PPP1R14C: variants seen among roughly 807,000 people sequenced by gnomAD.
PPP1R14C encodes protein phosphatase 1 regulatory subunit 14C.
A neutral mutation model predicts 20.4 loss-of-function variants in PPP1R14C; 16 were observed. The observed-to-expected ratio is 0.78, with a 90% CI of 0.53 to 1.19. The LOEUF is 1.19. Ranked by LOEUF, PPP1R14C falls within the 50% of genes most tolerant of loss-of-function variation. The pLI is 0.00. For synonymous variants in PPP1R14C, 91 were observed against 91.0 expected, an observed-to-expected ratio of 1.00 and a Z score of 0.00; for missense variants, 211 against 220.1, an observed-to-expected ratio of 0.96 and a Z score of 0.26.
intron 3 of PPP1R14C, among the ~76,000 whole-genome samples, chr6:150,230,342 T>A (rs1778279484): frequency 6.6e-6 from 1 of 152,166 alleles, no homozygotes; most frequent in Non-Finnish European, 1.5e-5. Context: ...GTTGACTCAA[T>A]TTGCTGTAAG....
chr6:150,160,559 C>T (rs1258799440), intron 1 of PPP1R14C, among the ~76,000 whole-genome samples: 1 of 151,950 alleles, frequency 6.6e-6, no homozygotes, highest in Non-Finnish European at 1.5e-5. Context: ...AGACGTGAGC[C>T]ACCGCGCCCA....
At position 150,177,388 on chromosome 6, in the gene PPP1R14C, A is replaced by G. The variant is rs557033931; in HGVS notation, c.306+33890A>G. On this transcript the variant is annotated intron_variant, in intron 1 of 3. Transcript: ENST00000361131. Reference sequence around the variant, plus strand: ...CCAGATTTATATTGGGAAGGAAACTATCTTGGTAGATAAGAAGTGAAAATT... The same window carrying G: ...CCAGATTTATATTGGGAAGGAAACTGTCTTGGTAGATAAGAAGTGAAAATT... Among the ~76,000 whole-genome samples, 38 of 152,338 alleles carry G rather than the reference A, an allele frequency of 2.5e-4. 1 individual carries two copies. The South Asian group carries it at 5.8e-3, about 23-fold the overall frequency.
chr6:150,186,439 G>A (rs1324433396), intron 1 of PPP1R14C, among the ~76,000 whole-genome samples: 1 of 152,156 alleles, frequency 6.6e-6, no homozygotes, highest in African/African-American at 2.4e-5. Context: ...GCCCTGCTGT[G>A]TGTTTGGACT....
At chr6:150,207,569 G>C (rs1051713880) in intron 1 of PPP1R14C, among the ~76,000 whole-genome samples, 18 of 152,314 alleles carry the variant, frequency 1.2e-4, no homozygotes, top group Admixed American at 1.2e-3. Flanking sequence ...CAACTGTAGA[G>C]GATATAAGAA....
intron 2 of PPP1R14C, among the ~76,000 whole-genome samples, chr6:150,215,241 A>G (rs1778075151): frequency 6.6e-6 from 1 of 152,214 alleles, no homozygotes; most frequent in Admixed American, 6.5e-5. Context: ...TCATGAAATT[A>G]ATTTCTAAAT....
intron 1 of PPP1R14C, among the ~76,000 whole-genome samples, chr6:150,213,881 C>T (rs980762725): frequency 6.6e-6 from 1 of 152,230 alleles, no homozygotes; most frequent in Non-Finnish European, 1.5e-5. Flanking sequence ...GGTTGATTCA[C>T]TCACTGATAG....
chr6:150,218,597 A>G (rs778086348), intron 3 of PPP1R14C, among the ~76,000 whole-genome samples: 3 of 151,310 alleles, frequency 2.0e-5, no homozygotes, highest in Non-Finnish European at 4.4e-5. Context: ...TATTTTCATA[A>G]GCAACACTTT....
intron 1 of PPP1R14C, 78 bp from the exon 2 acceptor site, chr6:150,214,666 C>G (rs1778068062): frequency 9.7e-7 from 1 of 1,034,866 alleles, no homozygotes; most frequent in Non-Finnish European, 1.5e-6. Flanking sequence ...GTTGTTTGTT[C>G]AACTTAACCT....
chr6:150,241,698 C>T (rs1778432647), intron 3 of PPP1R14C, among the ~76,000 whole-genome samples: 1 of 152,140 alleles, frequency 6.6e-6, no homozygotes, highest in Non-Finnish European at 1.5e-5. Flanking sequence ...ACCAGCCTAG[C>T]CAACATGGCG....
chr6:150,245,509 A>G (rs1330942095), intron 3 of PPP1R14C, among the ~76,000 whole-genome samples: 1 of 152,008 alleles, frequency 6.6e-6, no homozygotes, highest in Admixed American at 6.6e-5. Flanking sequence ...TTCCTTGCTT[A>G]TTTATCTTCA....
At chr6:150,200,394 C>T (rs936365853) in intron 1 of PPP1R14C, among the ~76,000 whole-genome samples, 1 of 152,140 alleles carries the variant, frequency 6.6e-6, no homozygotes, top group African/African-American at 2.4e-5. Flanking sequence ...GGACAGCTCC[C>T]TTTTCTCCCT....
Position 150,248,927 on chromosome 6 carries a change from G to GTTTT in PPP1R14C, c.*117_*120dup. 1 of 445,700 alleles carries GTTTT rather than the reference G, an allele frequency of 2.2e-6. No homozygotes were observed. The highest frequency in any genetic ancestry group is 3.8e-6 in the Non-Finnish European group (1 of 265,772). The allele number at this position is 445,700 out of a possible 1,614,324, so 27.6% of individuals were successfully genotyped here. On this transcript the variant is annotated 3_prime_UTR_variant, in exon 4 of 4. Transcript: ENST00000361131. ...AGGTGTCCTTATGAACAACGTTTTTGTTTTTTTTTTTTTCTTTTTTGGTGT... is the reference window on the plus strand; with the variant it reads ...AGGTGTCCTTATGAACAACGTTTTTGTTTTTTTTTTTTTTTTTCTTTTTTGGTGT...
intron 1 of PPP1R14C, among the ~76,000 whole-genome samples, chr6:150,166,918 G>A (rs1394899554): frequency 2.0e-5 from 3 of 152,148 alleles, no homozygotes; most frequent in Non-Finnish European, 4.4e-5. Context: ...ATTTGGAACC[G>A]AGTGAAGGAA....
chr6:150,228,639 C>A (rs1460910591), intron 3 of PPP1R14C, among the ~76,000 whole-genome samples: 1 of 152,098 alleles, frequency 6.6e-6, no homozygotes, highest in Admixed American at 6.5e-5. Flanking sequence ...TGACTCAAAG[C>A]GTCTACTCTA....
rs970635214 is a variant in PPP1R14C, at chr6:150,240,328, T to G, written c.424-8418T>G. The stretch of plus-strand genomic sequence containing the variant: ...GAGAATGTCCAGGTTCTTCGCGTTT[T>G]GAACAAAGAATTGGACAAAACACAC... On this transcript the variant is annotated intron_variant, in intron 3 of 3. Coordinates refer to ENST00000361131, the MANE Select transcript of PPP1R14C (RefSeq NM_030949.3). Among the ~76,000 whole-genome samples, 74 of 152,194 alleles carry G rather than the reference T, an allele frequency of 4.9e-4. 2 individuals carry two copies. The highest frequency in any genetic ancestry group is 1.6e-4 in the Non-Finnish European group (11 of 68,034).
At chr6:150,241,442 A>C (rs1778429940) in intron 3 of PPP1R14C, among the ~76,000 whole-genome samples, 1 of 152,190 alleles carries the variant, frequency 6.6e-6, no homozygotes, top group Non-Finnish European at 1.5e-5. Flanking sequence ...ACCCTCAGAG[A>C]GGGTCATGAG....
intron 1 of PPP1R14C, among the ~76,000 whole-genome samples, chr6:150,159,365 C>T (rs1268891738): frequency 6.6e-6 from 1 of 152,182 alleles, no homozygotes; most frequent in Non-Finnish European, 1.5e-5. Context: ...CTTCTGTGCC[C>T]CTCTTAGCCA....
In PPP1R14C at chr6:150,143,575, C is replaced by T; in HGVS notation, c.306+77C>T. 1.8e-6 allele frequency: 2 copies of T among 1,089,998 alleles called. No homozygotes were observed. Among genetic ancestry groups the T allele is most frequent in the Non-Finnish European group, 2.6e-6 (2 of 765,906 alleles). 67.5% of individuals were successfully genotyped at this position (1,089,998 alleles called of 1,614,324 possible). ...CCCGCGCAGTAATTTTCCCGGGCTC[C>T]AGCTCCGGGGCGCGCATGTCCCTGA... On this transcript the variant is annotated intron_variant, in intron 1 of 3. Coordinates refer to ENST00000361131, the MANE Select transcript of PPP1R14C (RefSeq NM_030949.3). This position sits in a 1 kb window ranked among gnomAD's most constrained non-coding sequence, Gnocchi z 5.6.
intron 1 of PPP1R14C, among the ~76,000 whole-genome samples, chr6:150,193,402 G>T (rs1777768532): frequency 6.6e-6 from 1 of 152,014 alleles, no homozygotes; most frequent in Non-Finnish European, 1.5e-5. Flanking sequence ...AAGAAAAAAA[G>T]TACATTTTCT....
Sources: gnomAD v4.1 joint callset for allele counts (sites outside exome capture counted in the v4.1 genomes callset) on GRCh38, gnomAD v4.1.1 for gene constraint, Gnocchi (gnomAD v3.1) non-coding constraint, MANE v1.5 for transcripts, NCBI Gene and HGNC (gene_info 2026-07-23, HGNC 2026-07-21) for gene names.